Variants in GNG7 observed in about 807,000 individuals in gnomAD.
GNG7 encodes guanine nucleotide-binding protein G(I)/G(S)/G(O) subunit gamma-7.
Under a neutral mutation model 4.0 loss-of-function variants are expected in GNG7, and 1 was observed. The observed-to-expected ratio is 0.25, with a 90% CI of 0.09 to 1.18. The LOEUF (loss-of-function observed/expected upper bound fraction) is 1.18. GNG7 is among the 50% of genes most tolerant of loss of function. The pLI is 0.50. For synonymous variants in GNG7, 34 were observed against 36.9 expected, an observed-to-expected ratio of 0.92 and a Z score of 0.29; for missense variants, 86 against 91.9, an observed-to-expected ratio of 0.94 and a Z score of 0.26.
chr19:2,687,031 C>T (rs1356571176), intron 1 of GNG7, among the ~76,000 whole-genome samples: 1 of 150,128 alleles, frequency 6.7e-6, no homozygotes, highest in Admixed American at 6.6e-5. Context: ...GGATTACAGG[C>T]GTGAGCCACC....
At chr19:2,536,290 C>T (rs188586710) in intron 3 of GNG7, among the ~76,000 whole-genome samples, 5,184 of 151,504 alleles carry the variant, frequency 0.034, 141 homozygotes, top group Non-Finnish European at 0.052. Context: ...TGGTGGCGGG[C>T]GCCTGTAGTC....
chr19:2,512,795 C>T lies in GNG7; in HGVS notation c.*2227G>A. The stretch of plus-strand genomic sequence containing the variant: ...TGTTTGTTCCCAGTTACCAAGATGG[C>T]TTGTTGGAAAGGGTGGAGGCAGGCG... On this transcript the variant is annotated 3_prime_UTR_variant, in exon 5 of 5. Transcript: ENST00000382159. The surrounding 1 kb of genome is among the most constrained non-coding windows in gnomAD (Gnocchi z 4.7). The T allele has an allele frequency of 1.7e-6, 1 of 601,960 alleles. No individual in the cohort carries two copies. The highest frequency in any genetic ancestry group is 2.1e-6 in the Non-Finnish European group (1 of 479,662). The allele number at this position is 601,960 out of a possible 1,614,324, so 37.3% of individuals were successfully genotyped here. A position where few individuals can be genotyped will look rare whatever the true frequency, so the allele number is the denominator to read the frequency against.
rs77450410 is a variant in GNG7, at chr19:2,553,705, C to T, written c.-38+1444G>A. 2.8e-3 allele frequency among the ~76,000 whole-genome samples: 397 copies of T among 140,366 alleles called. 9 individuals carry two copies. In the East Asian group the frequency reaches 0.046, roughly 16 times the overall value. The allele number at this position is 140,366 out of a possible 152,430, so 92.1% of individuals were successfully genotyped here. A position where few individuals can be genotyped will look rare whatever the true frequency, so the allele number is the denominator to read the frequency against. ...TTATATTACACACATGTGCACATTA[C>T]ATATAATATATTACATATATGTACA... is the stretch of plus-strand genomic sequence containing the variant. On this transcript the variant is annotated intron_variant, in intron 3 of 4. Transcript: ENST00000382159.
intron 2 of GNG7, among the ~76,000 whole-genome samples, chr19:2,556,956 C>A (rs373322018): frequency 6.6e-6 from 1 of 152,232 alleles, no homozygotes; most frequent in East Asian, 1.9e-4. Flanking sequence ...CGTGTGAGAT[C>A]CCTAACCTCT....
At chr19:2,584,897 A>C (rs1414105523) in intron 2 of GNG7, among the ~76,000 whole-genome samples, 1 of 60,354 alleles carries the variant, frequency 1.7e-5, no homozygotes, top group African/African-American at 1.0e-4. Flanking sequence ...GGAGGGAGGG[A>C]GGGAAGGAAG....
At chr19:2,569,619 T>C (rs968399182) in intron 2 of GNG7, among the ~76,000 whole-genome samples, 9 of 152,158 alleles carry the variant, frequency 5.9e-5, no homozygotes, top group Non-Finnish European at 1.3e-4. Flanking sequence ...ATGACAATTA[T>C]GTCGCTATCA....
Position 2,601,246 on chromosome 19 carries a change from C to G in GNG7, c.-78+44978G>C, listed in dbSNP as rs141000806. On this transcript the variant is annotated intron_variant, in intron 2 of 4. Coordinates refer to ENST00000382159, the MANE Select transcript of GNG7 (RefSeq NM_052847.3). ...ATCCATTCTAGTTCCATCCAGATGG[C>G]CCGGGGTACAGCTGGGATGCCTGTT... 3.2e-4 allele frequency among the ~76,000 whole-genome samples: 48 copies of G among 152,264 alleles called. No individual in the cohort carries two copies. The East Asian group carries it at 5.8e-3, about 18-fold the overall frequency.
intron 1 of GNG7, among the ~76,000 whole-genome samples, chr19:2,646,494 T>C (rs1189129229): frequency 1.3e-5 from 2 of 152,196 alleles, no homozygotes; most frequent in Non-Finnish European, 2.9e-5. Context: ...GAGACCAGCC[T>C]GGCCAACATG....
At chr19:2,586,924 G>A (rs751200887) in intron 2 of GNG7, among the ~76,000 whole-genome samples, 1 of 145,234 alleles carries the variant, frequency 6.9e-6, no homozygotes, top group African/African-American at 2.6e-5. Context: ...GGCAGAGGTT[G>A]CAGTGAGCAG....
At chr19:2,550,168 C>G (rs4993719) in intron 3 of GNG7, among the ~76,000 whole-genome samples, 53,465 of 151,908 alleles carry the variant, frequency 0.35, 9,973 homozygotes, top group Middle Eastern at 0.47. Context: ...TAGAATGCAG[C>G]AGAAGGAGCG....
At chr19:2,682,052 GGC>G (rs1983750339) in intron 1 of GNG7, among the ~76,000 whole-genome samples, 1 of 152,132 alleles carries the variant, frequency 6.6e-6, no homozygotes. Flanking sequence ...TGGGATTACA[GGC>G]GCGCGCCACC....
intron 1 of GNG7, among the ~76,000 whole-genome samples, chr19:2,666,670 G>T (rs1260236093): frequency 1.3e-5 from 2 of 152,192 alleles, no homozygotes; most frequent in East Asian, 1.9e-4. Context: ...TCTAGGGCAG[G>T]ATGTAAAAAT....
chr19:2,511,717 G>C lies in GNG7; in HGVS notation c.*3305C>G, dbSNP rs1420591381. 2 of 810,758 alleles carry C rather than the reference G, an allele frequency of 2.5e-6. No homozygotes were observed. Among genetic ancestry groups the C allele is most frequent in the South Asian group, 1.1e-4 (2 of 17,932 alleles). 50.2% of individuals were successfully genotyped at this position (810,758 alleles called of 1,614,324 possible). ...GCGTTGCGCCTCGGACACGGTGGCCGGCCCGTCAAAGGGACCACGCAGAAG... is the reference window on the plus strand; with the variant it reads ...GCGTTGCGCCTCGGACACGGTGGCCCGCCCGTCAAAGGGACCACGCAGAAG... On this transcript the variant is annotated 3_prime_UTR_variant, in exon 5 of 5. Transcript: ENST00000382159. This position sits in a 1 kb window ranked among gnomAD's most constrained non-coding sequence, Gnocchi z 6.3.
chr19:2,696,224 G>GAGAGAGGGA (rs1913243924), intron 1 of GNG7, among the ~76,000 whole-genome samples: 1 of 146,742 alleles, frequency 6.8e-6, no homozygotes, highest in Admixed American at 7.0e-5. Context: ...GAAGAGAGGA[G>GAGAGAGGGA]AGAGAGGAGA....
chr19:2,573,609 G>T (rs181885783), intron 2 of GNG7, among the ~76,000 whole-genome samples: 14 of 152,080 alleles, frequency 9.2e-5, no homozygotes, highest in Non-Finnish European at 1.5e-4. Flanking sequence ...CTGAGGTCAG[G>T]AGTTCGAGAC....
intron 1 of GNG7, among the ~76,000 whole-genome samples, chr19:2,668,607 G>A (rs991123149): frequency 1.3e-5 from 2 of 152,160 alleles, no homozygotes; most frequent in African/African-American, 4.8e-5. Context: ...TCGGCATCCA[G>A]GCAGCGCTCA....
chr19:2,520,498 G>A, intron 4 of GNG7, 110 bp downstream of exon 4: 1 of 644,492 alleles, frequency 1.6e-6, no homozygotes, highest in Non-Finnish European at 2.8e-6. Context: ...CACACAGCAA[G>A]AGACACAGTT....
At chr19:2,696,415 A>C (rs901029364) in intron 1 of GNG7, among the ~76,000 whole-genome samples, 2 of 152,034 alleles carry the variant, frequency 1.3e-5, no homozygotes, top group Admixed American at 1.3e-4. Flanking sequence ...GGAAGAAGGA[A>C]GGAAGGAAGG....
chr19:2,679,747 T>C (rs1983684387), intron 1 of GNG7, among the ~76,000 whole-genome samples: 2 of 152,140 alleles, frequency 1.3e-5, no homozygotes, highest in Admixed American at 1.3e-4. Flanking sequence ...AGGACAGAAT[T>C]TTCAACCCCT....
Sources: allele counts gnomAD v4.1 joint callset (sites outside exome capture counted in the v4.1 genomes callset), GRCh38; gene constraint gnomAD v4.1.1; non-coding constraint Gnocchi (gnomAD v3.1); transcripts MANE v1.5; gene names NCBI Gene and HGNC (gene_info 2026-07-23, HGNC 2026-07-21).